Variants in ANK2 observed in about 807,000 individuals in gnomAD.
The protein encoded by ANK2 is ankyrin 2.
Under a neutral mutation model 360.5 loss-of-function variants are expected in ANK2, and 83 were observed. The ratio of observed to expected loss-of-function variants is 0.23; its 90% confidence interval spans 0.19 to 0.28. The LOEUF (loss-of-function observed/expected upper bound fraction) is 0.28, where lower values mean the gene tolerates loss of function less well. Ranked by LOEUF, ANK2 falls within the 10% of genes least tolerant of loss-of-function variation. The pLI is 1.00. For missense variants in ANK2, 4,201 were observed against 4,795.7 expected (o/e 0.88, Z 3.66); for synonymous variants, 1,740 against 1,759.5 (o/e 0.99, Z 0.28).
intron 1 of ANK2, chr4:112,904,414 G>T (rs2084509959): frequency 1.7e-6 from 2 of 1,152,032 alleles, no homozygotes; most frequent in Non-Finnish European, 1.2e-6. Flanking sequence ...AAATTGAAAT[G>T]ATTTCAAACT....
In ANK2 at chr4:113,174,397, T is replaced by C. The variant is rs369019700; in HGVS notation, c.85-19T>C. On this transcript the variant is annotated intron_variant, in intron 1 of 45. Coordinates refer to ENST00000357077, the MANE Select transcript of ANK2 (RefSeq NM_001148.6). ...TATTTCATCAATAGTTCATTAAAGG[T>C]CTTTTATTTTTCTCGCAGTCTGACA... The C allele has an allele frequency of 6.3e-7, 1 of 1,586,100 alleles. No homozygotes were observed. The highest frequency in any genetic ancestry group is 8.6e-7 in the Non-Finnish European group (1 of 1,157,716).
At chr4:113,150,881 A>G (rs12644844) in intron 1 of ANK2, among the ~76,000 whole-genome samples, 5,491 of 152,348 alleles carry the variant, frequency 0.036, 146 homozygotes, top group South Asian at 0.14. Flanking sequence ...TGAACTATAT[A>G]CTAGTGAAAG....
chr4:112,791,490 T>C, the ANK2 span, among the ~76,000 whole-genome samples: 1 of 140,970 alleles, frequency 7.1e-6, no homozygotes, highest in East Asian at 2.0e-4. Flanking sequence ...TTTTTTTTTT[T>C]TTTTTTTTTT....
At chr4:112,839,634 G>C (rs2061682688) in intron 1 of ANK2, among the ~76,000 whole-genome samples, 1 of 152,184 alleles carries the variant, frequency 6.6e-6, no homozygotes, top group African/African-American at 2.4e-5. Context: ...AAATGGCACT[G>C]CTTCTCAAAT....
intron 1 of ANK2, among the ~76,000 whole-genome samples, chr4:113,066,375 A>G (rs2075626519): frequency 6.6e-6 from 1 of 152,166 alleles, no homozygotes; most frequent in Non-Finnish European, 1.5e-5. Flanking sequence ...TTTATTCTTC[A>G]CTTAGCACAT....
At chr4:112,821,060 C>T (rs1449669149) in intron 1 of ANK2, among the ~76,000 whole-genome samples, 4 of 152,102 alleles carry the variant, frequency 2.6e-5, no homozygotes, top group African/African-American at 7.2e-5. Context: ...TACAGGCATG[C>T]GCTACCATGC....
chr4:113,192,065 C>CT (rs2098674011), intron 2 of ANK2, among the ~76,000 whole-genome samples: 1 of 152,120 alleles, frequency 6.6e-6, no homozygotes, highest in African/African-American at 2.4e-5. Context: ...CATTTCTTTT[C>CT]TTTTTTAAAA....
At chr4:112,907,878 A>G (rs1192081490) in intron 2 of ANK2, among the ~76,000 whole-genome samples, 5 of 152,152 alleles carry the variant, frequency 3.3e-5, no homozygotes, top group African/African-American at 4.8e-5. Context: ...AAGTTCGTTA[A>G]TGTGGAGCCC....
At chr4:113,123,237 T>A (rs910720674) in intron 1 of ANK2, among the ~76,000 whole-genome samples, 2 of 152,032 alleles carry the variant, frequency 1.3e-5, no homozygotes, top group Non-Finnish European at 2.9e-5. Context: ...TCGTTACCTT[T>A]ATTATCAAAC....
intron 2 of ANK2, among the ~76,000 whole-genome samples, chr4:113,195,475 T>C (rs974209987): frequency 1.3e-5 from 2 of 152,192 alleles, no homozygotes; most frequent in Non-Finnish European, 2.9e-5. Flanking sequence ...CTGAGATTAT[T>C]TATGAAATAA....
chr4:113,335,413 A>G (rs1393426052), intron 29 of ANK2, among the ~76,000 whole-genome samples: 2 of 152,322 alleles, frequency 1.3e-5, no homozygotes, highest in South Asian at 2.1e-4. Context: ...TCTTAAAACC[A>G]CAATAACTTG....
At position 113,258,087 on chromosome 4, in the gene ANK2, A is replaced by G. The variant is rs2050505540; in HGVS notation, c.1226A>G (p.Asn409Ser). 1 of 1,614,052 alleles carries G rather than the reference A, an allele frequency of 6.2e-7. No individual in the cohort carries two copies. The highest frequency in any genetic ancestry group is 8.5e-7 in the Non-Finnish European group (1 of 1,180,018). ...CCACTGCACATTGCCTGCAAGAAAA[A>G]CCGCATCAAAGTCATGGAACTGCTG... ...FTPLHIACKK[N>S]RIKVMELLVK... The change falls in exon 12 of 46, where the codon AAC becomes AGC. Residue 409 changes from asparagine (N) to serine (S), a missense_variant. Asn to Ser is a conservative substitution (Grantham distance 46, BLOSUM62 1). This residue lies in a region of ANK2 where 1,268 missense variants were observed against 1,650.8 expected (regional missense o/e 0.77). Coordinates refer to ENST00000357077, the MANE Select transcript of ANK2 (RefSeq NM_001148.6).
intron 1 of ANK2, among the ~76,000 whole-genome samples, chr4:113,052,685 T>C (rs561866049): frequency 6.6e-5 from 10 of 152,314 alleles, no homozygotes; most frequent in African/African-American, 2.4e-4. Context: ...GTCGGTGCTC[T>C]CCACTCAGAA....
At chr4:112,941,740 C>T (rs981687127) in intron 2 of ANK2, among the ~76,000 whole-genome samples, 3 of 147,014 alleles carry the variant, frequency 2.0e-5, no homozygotes, top group African/African-American at 7.4e-5. Flanking sequence ...ATGATCTATA[C>T]ACATATTGAT....
At chr4:112,900,304 C>T (rs1674888743) in intron 1 of ANK2, among the ~76,000 whole-genome samples, 1 of 152,138 alleles carries the variant, frequency 6.6e-6, no homozygotes, top group African/African-American at 2.4e-5. Context: ...AGTTTAATAT[C>T]AAATATCTAA....
the ANK2 span, among the ~76,000 whole-genome samples, chr4:112,810,182 T>TTTTTTTTTTTTTTTTTG: frequency 8.9e-6 from 1 of 111,784 alleles, no homozygotes; most frequent in African/African-American, 3.3e-5. Flanking sequence ...TTTTTTTTTT[T>TTTTTTTTTTTTTTTTTG]GTAGCAATGG....
intron 9 of ANK2, among the ~76,000 whole-genome samples, chr4:113,246,800 T>G (rs377122311): frequency 6.6e-6 from 1 of 152,320 alleles, no homozygotes; most frequent in East Asian, 1.9e-4. Context: ...TGCTAAGTAC[T>G]CTACAAATAT....
Position 113,355,245 on chromosome 4 carries a change from G to T in ANK2, c.6627G>T (p.Gly2209=), listed in dbSNP as rs755239682. 1.9e-6 allele frequency: 3 copies of T among 1,614,086 alleles called. No homozygotes were observed. Among genetic ancestry groups the T allele is most frequent in the Non-Finnish European group, 2.5e-6 (3 of 1,179,954 alleles). Residue 2209 remains glycine (G), a synonymous_variant, in exon 38 of 46, where the codon GGG becomes GGT. Coordinates refer to ENST00000357077, the MANE Select transcript of ANK2 (RefSeq NM_001148.6). The part of the protein sequence containing the change: ...DGSSESLKNE[G]VAGSPCGSLM... ...GTTCTGAAAGCCTAAAGAATGAGGG[G>T]GTAGCCGGCTCTCCGTGTGGCAGCC...
intron 2 of ANK2, among the ~76,000 whole-genome samples, chr4:113,191,657 T>TA (rs1463052146): frequency 6.6e-6 from 1 of 152,218 alleles, no homozygotes; most frequent in East Asian, 1.9e-4. Context: ...ATACATGTAT[T>TA]ACTGTTTGCA....
Sources: gnomAD v4.1 joint callset for allele counts (sites outside exome capture counted in the v4.1 genomes callset) on GRCh38, gnomAD v4.1.1 for gene constraint, gnomAD v4.1.1 regional missense constraint, MANE v1.5 for transcripts, NCBI Gene and HGNC (gene_info 2026-07-23, HGNC 2026-07-21) for gene names.